The following FANCB variants were observed in gnomAD, a reference collection of about 807,000 sequenced individuals.
The protein encoded by FANCB is Fanconi anemia group B protein.
A neutral mutation model predicts 38.9 loss-of-function variants in FANCB; 5 were observed. The observed-to-expected ratio is 0.13, with a 90% CI of 0.07 to 0.27. FANCB has a LOEUF of 0.27. Among genes scored for constraint, FANCB ranks in the 10% least tolerant of loss-of-function variants. The probability of loss-of-function intolerance (pLI) is 1.00; values close to 1 mark genes in which losing one functional copy is unlikely to be tolerated. For missense variants in FANCB, 573 were observed against 602.7 expected, an observed-to-expected ratio of 0.95 and a Z score of 0.52; for synonymous variants, 236 against 215.4, an observed-to-expected ratio of 1.10 and a Z score of -0.84.
At chrX:14,823,533 T>C in the FANCB span, among the ~76,000 whole-genome samples, 2 of 112,152 alleles carry the variant, frequency 1.8e-5, no homozygotes, top group Admixed American at 1.9e-4. Context: ...TAATTACTGA[T>C]ATAGTTGAAC....
chrX:14,785,104 C>T, the FANCB span, among the ~76,000 whole-genome samples: 3 of 111,716 alleles, frequency 2.7e-5, no homozygotes, highest in African/African-American at 6.5e-5. Flanking sequence ...AAGTGCAGCA[C>T]ACCACCATGG....
intron 2 of FANCB, among the ~76,000 whole-genome samples, chrX:14,866,314 T>C: frequency 8.9e-6 from 1 of 112,485 alleles, no homozygotes; most frequent in Non-Finnish European, 1.9e-5. Context: ...AAGAATTAAA[T>C]AATATCAATC....
chrX:14,803,406 G>A, the FANCB span, among the ~76,000 whole-genome samples: 2 of 112,652 alleles, frequency 1.8e-5, no homozygotes, highest in East Asian at 5.6e-4. Flanking sequence ...GGCATGTACT[G>A]TGCTGGGGCA....
chrX:14,868,689 T>C (rs1163509093), intron 2 of FANCB, among the ~76,000 whole-genome samples: 1 of 111,493 alleles, frequency 9.0e-6, no homozygotes, highest in Admixed American at 9.5e-5. Flanking sequence ...AGGGTAAAGA[T>C]AGTTAACACT....
At chrX:14,804,821 T>C in the FANCB span, among the ~76,000 whole-genome samples, 2 of 111,817 alleles carry the variant, frequency 1.8e-5, no homozygotes, top group Non-Finnish European at 3.8e-5. Flanking sequence ...ATTTATTACC[T>C]GAATCCCTTC....
chrX:14,858,222 T>C (rs1227158591), intron 4 of FANCB, among the ~76,000 whole-genome samples: 1 of 110,488 alleles, frequency 9.1e-6, no homozygotes, highest in Non-Finnish European at 1.9e-5. Context: ...GGTGAAACCC[T>C]GTCTCTACTA....
chrX:14,767,292 T>C, the FANCB span, among the ~76,000 whole-genome samples: 1 of 112,068 alleles, frequency 8.9e-6, no homozygotes, highest in African/African-American at 3.2e-5. Context: ...TTGAATTAAT[T>C]TACACTCCCA....
At chrX:14,734,815 T>C in the FANCB span, among the ~76,000 whole-genome samples, 1 of 110,619 alleles carries the variant, frequency 9.0e-6, no homozygotes, top group Non-Finnish European at 1.9e-5. Context: ...TCCTGAAGAG[T>C]GTTTTCCAAC....
chrX:14,858,794 C>T (rs979293764), intron 4 of FANCB, among the ~76,000 whole-genome samples: 1 of 111,614 alleles, frequency 9.0e-6, no homozygotes, highest in Non-Finnish European at 1.9e-5. Flanking sequence ...CCCTTATGTC[C>T]AATATCTCAA....
chrX:14,803,819 C>T, the FANCB span, among the ~76,000 whole-genome samples: 1 of 111,242 alleles, frequency 9.0e-6, no homozygotes, highest in East Asian at 2.8e-4. Context: ...AAAAAGTGGG[C>T]AAAGGATATG....
chrX:14,785,232 T>C, the FANCB span, among the ~76,000 whole-genome samples: 2 of 111,864 alleles, frequency 1.8e-5, no homozygotes, highest in Admixed American at 1.9e-4. Flanking sequence ...CAGGAAAACC[T>C]TTCCATCTCC....
downstream of FANCB, chrX:14,834,534 A>G: frequency 2.0e-6 from 1 of 501,886 alleles, no homozygotes; most frequent in Non-Finnish European, 3.6e-6. Flanking sequence ...CCCAGAAGCA[A>G]TTCTTCACAT....
chrX:14,853,187 A>C lies in FANCB; in HGVS notation c.1198-20T>G. ...ACAAACCTGTAAAGTAGAAAGAAAA[A>C]TAGTGGCAAGAAACATGATTTCAAA... is the stretch of plus-strand genomic sequence containing the variant. On this transcript the variant is annotated intron_variant, in intron 5 of 9. Coordinates refer to ENST00000650831, the MANE Select transcript of FANCB (RefSeq NM_001018113.3). 1 of 1,193,240 alleles carries C rather than the reference A, an allele frequency of 8.4e-7. No individual in the cohort carries two copies. The highest frequency in any genetic ancestry group is 1.1e-6 in the Non-Finnish European group (1 of 880,014).
chrX:14,730,704 CATA>C, the FANCB span: 1 of 391,787 alleles, frequency 2.6e-6, no homozygotes, highest in African/African-American at 2.5e-5. Context: ...ATCACGGGAG[CATA>C]ATAATTCCCT....
At chrX:14,728,206 T>C in the FANCB span, among the ~76,000 whole-genome samples, 2 of 110,072 alleles carry the variant, frequency 1.8e-5, no homozygotes, top group African/African-American at 3.3e-5. Context: ...CTTAGCAACA[T>C]AGTGGGACCC....
At chrX:14,712,966 G>C in the FANCB span, among the ~76,000 whole-genome samples, 1 of 112,115 alleles carries the variant, frequency 8.9e-6, no homozygotes, top group Non-Finnish European at 1.9e-5. Flanking sequence ...AACCAATCCA[G>C]AAGAGAATTC....
At chrX:14,802,773 G>A in the FANCB span, among the ~76,000 whole-genome samples, 2 of 112,191 alleles carry the variant, frequency 1.8e-5, no homozygotes, top group Admixed American at 1.9e-4. Flanking sequence ...GGTTGGATGG[G>A]TGGTGGACAG....
At chrX:14,775,394 C>A in the FANCB span, among the ~76,000 whole-genome samples, 4 of 111,298 alleles carry the variant, frequency 3.6e-5, no homozygotes, top group East Asian at 1.1e-3. Flanking sequence ...ACTAGCTGAG[C>A]CAGGAGAAGG....
downstream of FANCB, chrX:14,835,276 T>C (rs1348844736): frequency 3.9e-6 from 2 of 508,124 alleles, no homozygotes; most frequent in East Asian, 4.1e-5. Flanking sequence ...AAAAGTTAGT[T>C]CTGGGGCCTC....
Sources: gnomAD v4.1 joint callset for allele counts (sites outside exome capture counted in the v4.1 genomes callset) on GRCh38, gnomAD v4.1.1 for gene constraint, MANE v1.5 for transcripts, NCBI Gene and HGNC (gene_info 2026-07-23, HGNC 2026-07-21) for gene names.